Variants in MPPE1 observed in about 807,000 individuals in gnomAD.
MPPE1 encodes metallophosphoesterase 1, also known as metallo phosphoesterase.
A neutral mutation model predicts 43.8 loss-of-function variants in MPPE1; 28 were observed. That is an observed-to-expected ratio of 0.64 (90% CI 0.47 to 0.88). The LOEUF is 0.88. Among genes scored for constraint, MPPE1 ranks in the 40% least tolerant of loss-of-function variants. The probability of loss-of-function intolerance (pLI) is 0.00; values close to 1 mark genes in which losing one functional copy is unlikely to be tolerated. For synonymous variants in MPPE1, 159 were observed against 188.5 expected, an observed-to-expected ratio of 0.84 and a Z score of 1.28; for missense variants, 428 against 492.2, an observed-to-expected ratio of 0.87 and a Z score of 1.23.
At chr18:11,907,280 TACCTATA>T (rs1440768182) in intron 1 of MPPE1, among the ~76,000 whole-genome samples, 9 of 152,184 alleles carry the variant, frequency 5.9e-5, no homozygotes, top group Non-Finnish European at 1.2e-4. Context: ...ATTTTCAATC[TACCTATA>T]ACCCGGAAAC....
intron 3 of MPPE1, among the ~76,000 whole-genome samples, chr18:11,896,002 C>G (rs2038554555): frequency 6.6e-6 from 1 of 151,942 alleles, no homozygotes; most frequent in Non-Finnish European, 1.5e-5. Context: ...ACACTGCAGG[C>G]CCCCCACCGG....
chr18:11,898,487 C>G (rs903719797), intron 2 of MPPE1, among the ~76,000 whole-genome samples: 1 of 152,144 alleles, frequency 6.6e-6, no homozygotes, highest in Non-Finnish European at 1.5e-5. Context: ...AGGGGAGGGG[C>G]TTGAATTCTG....
At position 11,906,222 on chromosome 18, in the gene MPPE1, T is replaced by C. The variant is rs2143477114; in HGVS notation, c.-112A>G. Reference sequence around the variant, plus strand: ...TATTACCTATAATTTTCCAGGAAAATCACCAAGTCACCTCATCTTTTAAAG... The same window carrying C: ...TATTACCTATAATTTTCCAGGAAAACCACCAAGTCACCTCATCTTTTAAAG... On this transcript the variant is annotated 5_prime_UTR_variant, in exon 2 of 11. Transcript: ENST00000588072. The C allele has an allele frequency of 6.6e-6, 1 of 152,230 alleles. No homozygotes were observed. Among genetic ancestry groups the C allele is most frequent in the South Asian group, 2.1e-4 (1 of 4,826 alleles). The allele number at this position is 152,230 out of a possible 1,614,324, so 9.4% of individuals were successfully genotyped here.
chr18:11,897,783 T>G (rs2038747263), intron 2 of MPPE1, among the ~76,000 whole-genome samples: 1 of 152,208 alleles, frequency 6.6e-6, no homozygotes, highest in Non-Finnish European at 1.5e-5. Context: ...TGTAATGTGT[T>G]GCTTTTGGTG....
In MPPE1 at chr18:11,888,583, T is replaced by C. The variant is rs1448044570; in HGVS notation, c.569+86A>G. On this transcript the variant is annotated intron_variant, in intron 6 of 10. Coordinates refer to ENST00000588072, the MANE Select transcript of MPPE1 (RefSeq NM_023075.6). ...CCAGGCTAAACAGAACGCAGGTAGATGATAGATCCCAGTATGGCAGGCACC... is the reference window on the plus strand; with the variant it reads ...CCAGGCTAAACAGAACGCAGGTAGACGATAGATCCCAGTATGGCAGGCACC... 4 of 775,770 alleles carry C rather than the reference T, an allele frequency of 5.2e-6. No individual in the cohort carries two copies. The East Asian group carries it at 1.1e-4, about 21-fold the overall frequency. 48.1% of individuals were successfully genotyped at this position (775,770 alleles called of 1,614,324 possible). A position where few individuals can be genotyped will look rare whatever the true frequency, so the allele number is the denominator to read the frequency against.
intron 6 of MPPE1, among the ~76,000 whole-genome samples, chr18:11,887,299 T>C (rs2037431219): frequency 6.6e-6 from 1 of 152,220 alleles, no homozygotes; most frequent in African/African-American, 2.4e-5. Context: ...AGTTAGACTA[T>C]GTCTAAGCTC....
intron 3 of MPPE1, among the ~76,000 whole-genome samples, chr18:11,896,095 C>CTTTTTTTTTTTTTTTTTTTTTTTT (rs1178920790): frequency 7.5e-5 from 6 of 80,418 alleles, no homozygotes; most frequent in Non-Finnish European, 9.4e-5. Context: ...ATTCTTTATT[C>CTTTTTTTTTTTTTTTTTTTTTTTT]TTTTTTTTTT....
Position 11,893,512 on chromosome 18 carries a change from T to A in MPPE1, c.346A>T (p.Ile116Phe). ...LWLLQPEVVF[I>F]LGDIFDEGKW... ...CCTTCATCAAAGATATCCCCCAGGATGAAGACGACTTCCGGCTGCAGCAAC... is the reference window on the plus strand; with the variant it reads ...CCTTCATCAAAGATATCCCCCAGGAAGAAGACGACTTCCGGCTGCAGCAAC... Residue 116 changes from isoleucine (I) to phenylalanine (F), a missense_variant, in exon 4 of 11, where the codon ATC becomes TTC. Around this residue, in one of 3 missense-constraint regions of MPPE1, gnomAD observed 379 missense variants for 402.5 expected, o/e 0.94. Transcript: ENST00000588072. 1 of 1,614,124 alleles carries A rather than the reference T, an allele frequency of 6.2e-7. No individual in the cohort carries two copies.
intron 2 of MPPE1, among the ~76,000 whole-genome samples, chr18:11,899,224 C>T (rs555509426): frequency 2.0e-5 from 3 of 152,182 alleles, no homozygotes; most frequent in African/African-American, 7.2e-5. Flanking sequence ...CCAGCCCAAA[C>T]TACTTATTTA....
At chr18:11,899,865 C>A (rs529619744) in intron 2 of MPPE1, among the ~76,000 whole-genome samples, 60 of 152,326 alleles carry the variant, frequency 3.9e-4, no homozygotes, top group Middle Eastern at 3.4e-3. Flanking sequence ...CTAAAATCAC[C>A]TCTGTGAAAT....
intron 10 of MPPE1, chr18:11,885,069 C>T: frequency 7.8e-7 from 1 of 1,282,456 alleles, no homozygotes; most frequent in Non-Finnish European, 1.0e-6. Context: ...TCCAGGTCGT[C>T]TCCATGGGCT....
At position 11,897,259 on chromosome 18, in the gene MPPE1, C is replaced by T. The variant is rs376891494; in HGVS notation, c.6G>A (p.Ala2=). 18 of 1,137,752 alleles carry T rather than the reference C, an allele frequency of 1.6e-5. No individual in the cohort carries two copies. In the African/African-American group the frequency reaches 2.3e-4, roughly 15 times the overall value. 70.5% of individuals were successfully genotyped at this position (1,137,752 alleles called of 1,614,324 possible). The change falls in exon 3 of 11, where the codon GCG becomes GCA. Residue 2 remains alanine, a synonymous_variant. Coordinates refer to ENST00000588072, the MANE Select transcript of MPPE1 (RefSeq NM_023075.6). Reference sequence around the variant, plus strand: ...GTCTTCCAAACCCCAATTCGATCATCGCCATTTCTCAAGCAACAACAAATC... The same window carrying T: ...GTCTTCCAAACCCCAATTCGATCATTGCCATTTCTCAAGCAACAACAAATC... M[A]MIELGFGRQN... is the part of the protein sequence containing the mutation.
intron 2 of MPPE1, among the ~76,000 whole-genome samples, chr18:11,900,574 T>C (rs2039041961): frequency 6.6e-6 from 1 of 152,050 alleles, no homozygotes; most frequent in African/African-American, 2.4e-5. Context: ...CTGGTGTCTA[T>C]AAGCAACCAT....
At chr18:11,892,079 C>T (rs2038053819) in intron 4 of MPPE1, among the ~76,000 whole-genome samples, 1 of 152,202 alleles carries the variant, frequency 6.6e-6, no homozygotes. Flanking sequence ...GCGGCTCACG[C>T]CTATAATCCC....
chr18:11,889,634 C>T, intron 4 of MPPE1, 144 bp from the exon 5 acceptor site: 1 of 537,472 alleles, frequency 1.9e-6, no homozygotes, highest in Non-Finnish European at 3.3e-6. Flanking sequence ...GCGATCTCTG[C>T]TCACTGCAAC....
chr18:11,905,029 G>A (rs968549159), intron 2 of MPPE1, among the ~76,000 whole-genome samples: 4 of 151,972 alleles, frequency 2.6e-5, no homozygotes, highest in Admixed American at 2.0e-4. Flanking sequence ...AACACCTTCT[G>A]GGCAGGTGGC....
chr18:11,906,769 G>A (rs538240094), intron 1 of MPPE1, among the ~76,000 whole-genome samples: 60 of 150,534 alleles, frequency 4.0e-4, no homozygotes, highest in African/African-American at 1.4e-3. Context: ...CAGGAGAATC[G>A]CTTGAATGCG....
chr18:11,900,673 C>T (rs769045722), intron 2 of MPPE1, among the ~76,000 whole-genome samples: 29 of 151,956 alleles, frequency 1.9e-4, no homozygotes, highest in East Asian at 3.9e-4. Flanking sequence ...TTTGGGAGGC[C>T]AAGGTGGGCA....
At chr18:11,900,743 TAAAAATAC>T (rs1567969350) in intron 2 of MPPE1, among the ~76,000 whole-genome samples, 1 of 151,100 alleles carries the variant, frequency 6.6e-6, no homozygotes, top group Non-Finnish European at 1.5e-5. Context: ...CCATCTCTAC[TAAAAATAC>T]AAAAAATTAG....
Sources: allele counts gnomAD v4.1 joint callset (sites outside exome capture counted in the v4.1 genomes callset), GRCh38; gene constraint gnomAD v4.1.1; regional missense constraint gnomAD v4.1.1; transcripts MANE v1.5; gene names NCBI Gene and HGNC (gene_info 2026-07-23, HGNC 2026-07-21).